Variants in KCNIP1 observed in about 807,000 individuals in gnomAD.
KCNIP1 encodes the protein potassium voltage-gated channel interacting protein 1.
KCNIP1 carries 18 observed loss-of-function variants against 33.0 expected under a neutral mutation model. The observed-to-expected ratio is 0.55, with a 90% CI of 0.38 to 0.81. KCNIP1 has a LOEUF of 0.81. Among genes scored for constraint, KCNIP1 ranks in the 30% least tolerant of loss-of-function variants. The pLI, the probability that KCNIP1 is intolerant of heterozygous loss-of-function variation, is 0.00. For missense variants in KCNIP1, 238 were observed against 271.6 expected, an observed-to-expected ratio of 0.88 and a Z score of 0.87; for synonymous variants, 93 against 98.3, an observed-to-expected ratio of 0.95 and a Z score of 0.32.
At chr5:170,536,067 T>C (rs900341982) in intron 1 of KCNIP1, among the ~76,000 whole-genome samples, 1 of 152,222 alleles carries the variant, frequency 6.6e-6, no homozygotes, top group African/African-American at 2.4e-5. Flanking sequence ...CAGGATTTTG[T>C]TTGTTCCCCA....
At chr5:170,359,574 C>T (rs974923925) in intron 1 of KCNIP1, among the ~76,000 whole-genome samples, 2 of 152,152 alleles carry the variant, frequency 1.3e-5, no homozygotes, top group Non-Finnish European at 2.9e-5. Context: ...TCTCTGCAAC[C>T]CTGGAACCTC....
At chr5:170,679,639 G>GTGTGTGTGTGTGTGTC (rs1561760094) in intron 1 of KCNIP1, among the ~76,000 whole-genome samples, 1 of 151,022 alleles carries the variant, frequency 6.6e-6, no homozygotes, top group Non-Finnish European at 1.5e-5. Context: ...GTGTGTGTGT[G>GTGTGTGTGTGTGTGTC]TGTGTGTGTG....
intron 1 of KCNIP1, among the ~76,000 whole-genome samples, chr5:170,560,669 G>A (rs1757006235): frequency 2.0e-5 from 3 of 152,044 alleles, no homozygotes; most frequent in Admixed American, 1.3e-4. Context: ...TGAGTTTACA[G>A]GTTGGCGCTT....
intron 1 of KCNIP1, among the ~76,000 whole-genome samples, chr5:170,488,453 C>T (rs933697292): frequency 6.6e-6 from 1 of 152,208 alleles, no homozygotes; most frequent in East Asian, 1.9e-4. Context: ...TCCATCATCA[C>T]TCTCTATGAA....
intron 1 of KCNIP1, among the ~76,000 whole-genome samples, chr5:170,602,112 C>A (rs1289574780): frequency 1.3e-5 from 2 of 152,226 alleles, no homozygotes; most frequent in Admixed American, 6.5e-5. Context: ...TGATAACTTT[C>A]TCTTGTGGAA....
chr5:170,464,281 AG>A (rs1469820967), intron 1 of KCNIP1, among the ~76,000 whole-genome samples: 1 of 152,198 alleles, frequency 6.6e-6, no homozygotes, highest in Admixed American at 6.5e-5. Flanking sequence ...TCTCTGTCAA[AG>A]TTTCATAGCA....
At chr5:170,505,108 C>T (rs1385701839) in intron 1 of KCNIP1, among the ~76,000 whole-genome samples, 1 of 152,220 alleles carries the variant, frequency 6.6e-6, no homozygotes, top group African/African-American at 2.4e-5. Flanking sequence ...ACCCCCAAAA[C>T]CTCTGCAAGC....
rs572797453 is a variant in KCNIP1 at position 170,576,328 on chromosome 5, G to C, written c.61+71695G>C. ...AAGACTTCAGGAGTAAGTATTCCAG[G>C]AAGCAAGATATAAGCTATGTGGCCT... On this transcript the variant is annotated intron_variant, in intron 1 of 7. Coordinates refer to ENST00000328939, the MANE Select transcript of KCNIP1 (RefSeq NM_014592.4). Among the ~76,000 whole-genome samples the C allele has an allele frequency of 2.4e-4, 37 of 152,260 alleles. No individual in the cohort carries two copies. In the South Asian group the frequency reaches 7.3e-3, roughly 30 times the overall value.
At chr5:170,492,445 T>A (rs1757226165) in intron 1 of KCNIP1, among the ~76,000 whole-genome samples, 2 of 152,228 alleles carry the variant, frequency 1.3e-5, no homozygotes, top group African/African-American at 4.8e-5. Flanking sequence ...GCTCTCCAAA[T>A]CTTGGTGCTT....
chr5:170,472,655 C>T (rs1393832131), intron 1 of KCNIP1, among the ~76,000 whole-genome samples: 8 of 143,084 alleles, frequency 5.6e-5, no homozygotes, highest in Admixed American at 1.4e-4. Flanking sequence ...GCTTAGCTCC[C>T]ACACATCAGT....
chr5:170,699,521 A>C (rs1340822587), intron 1 of KCNIP1, among the ~76,000 whole-genome samples: 5 of 150,320 alleles, frequency 3.3e-5, no homozygotes, highest in African/African-American at 1.2e-4. Flanking sequence ...GTGCAGGGTC[A>C]TGAGGTAACT....
At chr5:170,522,653 C>A (rs186115410) in intron 1 of KCNIP1, among the ~76,000 whole-genome samples, 2 of 152,308 alleles carry the variant, frequency 1.3e-5, no homozygotes, top group Non-Finnish European at 2.9e-5. Flanking sequence ...ACACAGCCAG[C>A]AGCCTCCCCA....
intron 1 of KCNIP1, among the ~76,000 whole-genome samples, chr5:170,559,694 C>T (rs995543645): frequency 4.6e-5 from 7 of 152,188 alleles, no homozygotes; most frequent in Non-Finnish European, 8.8e-5. Flanking sequence ...GACATTTCAC[C>T]TCTACATCCT....
chr5:170,683,935 T>TGTGTGTGTGTG (rs71575591), intron 1 of KCNIP1, among the ~76,000 whole-genome samples: 7 of 149,256 alleles, frequency 4.7e-5, no homozygotes, highest in Admixed American at 1.3e-4. Context: ...TGTGTGTGTG[T>TGTGTGTGTGTG]TAGTAGAGAC....
chr5:170,508,513 T>C (rs1406466700), intron 1 of KCNIP1, among the ~76,000 whole-genome samples: 2 of 152,194 alleles, frequency 1.3e-5, no homozygotes, highest in Non-Finnish European at 2.9e-5. Context: ...CAGACAGGCA[T>C]AGAGAAGCAG....
At position 170,722,797 on chromosome 5, in the gene KCNIP1, A is replaced by T; in HGVS notation, c.412A>T (p.Lys138Ter). The change falls in exon 5 of 8, where the codon AAG becomes TAG. Residue 138 changes from lysine (K) to a stop codon, truncating the protein, a stop_gained. Coordinates refer to ENST00000328939, the MANE Select transcript of KCNIP1 (RefSeq NM_014592.4). LOFTEE classifies it high-confidence loss of function. ...GACATTTAATTTGTATGACATCAAC[A>T]AGGACGGATACATAAACAAAGAGGT... is the stretch of plus-strand genomic sequence containing the variant. Reference protein sequence around the residue: ...RWTFNLYDINKDGYINKEEMM... With the variant: ...RWTFNLYDIN The T allele has an allele frequency of 6.2e-7, 1 of 1,612,924 alleles. No homozygotes were observed. Among genetic ancestry groups the T allele is most frequent in the Non-Finnish European group, 8.5e-7 (1 of 1,178,898 alleles).
intron 1 of KCNIP1, among the ~76,000 whole-genome samples, chr5:170,617,271 A>T (rs551178301): frequency 6.6e-6 from 1 of 152,028 alleles, no homozygotes; most frequent in African/African-American, 2.4e-5. Context: ...AGAGGAGAGA[A>T]GGCATGAAGG....
At chr5:170,500,302 G>A (rs1757385730), upstream of KCNIP1, among the ~76,000 whole-genome samples, 1 of 152,182 alleles carries the variant, frequency 6.6e-6, no homozygotes, top group African/African-American at 2.4e-5. Context: ...CTTCAACACA[G>A]GGATTTTGGA....
chr5:170,551,428 G>T (rs1353646645), intron 1 of KCNIP1, among the ~76,000 whole-genome samples: 1 of 152,206 alleles, frequency 6.6e-6, no homozygotes, highest in Non-Finnish European at 1.5e-5. Flanking sequence ...CAAACGTGCA[G>T]GGTAAATGCA....
Sources: gnomAD v4.1 joint callset for allele counts (sites outside exome capture counted in the v4.1 genomes callset) on GRCh38, gnomAD v4.1.1 for gene constraint, MANE v1.5 for transcripts, NCBI Gene and HGNC (gene_info 2026-07-23, HGNC 2026-07-21) for gene names.